LMBR1: variants seen among roughly 807,000 people sequenced by gnomAD.
The protein encoded by LMBR1 is limb region 1 protein homolog.
LMBR1 carries 52 observed loss-of-function variants against 73.9 expected under a neutral mutation model. The observed-to-expected ratio is 0.70, with a 90% CI of 0.56 to 0.89. The LOEUF (loss-of-function observed/expected upper bound fraction) is 0.89, where lower values mean the gene tolerates loss of function less well. LMBR1 is among the 40% of genes least tolerant of loss of function. LMBR1 has a pLI of 0.00. For missense variants in LMBR1, 539 were observed against 579.8 expected (o/e 0.93, Z 0.72); for synonymous variants, 215 against 209.4 (o/e 1.03, Z -0.23).
intron 3 of LMBR1, 76 bp downstream of exon 3, chr7:156,833,677 C>A: frequency 9.0e-7 from 1 of 1,115,484 alleles, no homozygotes; most frequent in South Asian, 1.3e-5. Flanking sequence ...TACTTCTATC[C>A]AAAAATTAGA....
At chr7:156,858,684 C>A (rs1043192128) in intron 1 of LMBR1, among the ~76,000 whole-genome samples, 1 of 151,974 alleles carries the variant, frequency 6.6e-6, no homozygotes, top group South Asian at 2.1e-4. Context: ...CAAACTGAAT[C>A]CAACAGTATA....
At chr7:156,827,234 T>G (rs748491409) in intron 3 of LMBR1, among the ~76,000 whole-genome samples, 3 of 152,094 alleles carry the variant, frequency 2.0e-5, no homozygotes, top group Non-Finnish European at 4.4e-5. Context: ...TGACATCTTT[T>G]TAATGGGTAA....
At chr7:156,855,797 A>G (rs796625235) in intron 1 of LMBR1, among the ~76,000 whole-genome samples, 3 of 152,232 alleles carry the variant, frequency 2.0e-5, no homozygotes, top group African/African-American at 7.2e-5. Context: ...AGGATCAAAG[A>G]TTAGAATTGC....
chr7:156,733,124 G>A (rs535750919), intron 10 of LMBR1, among the ~76,000 whole-genome samples: 2 of 152,112 alleles, frequency 1.3e-5, no homozygotes, highest in South Asian at 2.1e-4. Flanking sequence ...TAGCCTGGGC[G>A]ACAGAGTGAG....
At chr7:156,821,374 GC>G (rs999662668) in intron 4 of LMBR1, among the ~76,000 whole-genome samples, 1 of 152,192 alleles carries the variant, frequency 6.6e-6, no homozygotes, top group Non-Finnish European at 1.5e-5. Context: ...TGATATGCAG[GC>G]CCCCACGTTA....
intron 15 of LMBR1, among the ~76,000 whole-genome samples, chr7:156,718,710 T>G (rs961646678): frequency 1.3e-5 from 2 of 152,142 alleles, no homozygotes; most frequent in African/African-American, 2.4e-5. Context: ...GCACTCCAGC[T>G]TGGGTAACAG....
At chr7:156,754,948 C>T (rs1428750175) in intron 9 of LMBR1, among the ~76,000 whole-genome samples, 1 of 152,184 alleles carries the variant, frequency 6.6e-6, no homozygotes, top group Non-Finnish European at 1.5e-5. Flanking sequence ...CAGCAGCAAA[C>T]AGCAAAATCA....
At chr7:156,676,553 G>A (rs1471867336), downstream of LMBR1, 24 of 1,614,048 alleles carry the variant, frequency 1.5e-5, no homozygotes, top group Non-Finnish European at 1.4e-5. Context: ...TCCACCATGC[G>A]TGTCTGCTGG....
chr7:156,729,609 G>A (rs369717692), intron 10 of LMBR1, among the ~76,000 whole-genome samples: 5 of 151,964 alleles, frequency 3.3e-5, no homozygotes, highest in African/African-American at 9.7e-5. Flanking sequence ...AAGTAGCTGG[G>A]ACTACAGGCA....
intron 1 of LMBR1, chr7:156,892,489 C>CG (rs1441536489): frequency 2.6e-5 from 4 of 153,744 alleles, no homozygotes; most frequent in Non-Finnish European, 4.3e-5. Context: ...CGGCGGAGCG[C>CG]GGGGGCGCGC....
At chr7:156,886,270 G>C (rs1801888608) in intron 1 of LMBR1, among the ~76,000 whole-genome samples, 1 of 152,200 alleles carries the variant, frequency 6.6e-6, no homozygotes, top group African/African-American at 2.4e-5. Context: ...TTCAAGGGAG[G>C]ATAGAACAGG....
chr7:156,807,470 A>C (rs1266330207), intron 4 of LMBR1, among the ~76,000 whole-genome samples: 1 of 152,220 alleles, frequency 6.6e-6, no homozygotes, highest in African/African-American at 2.4e-5. Context: ...TTGTTGGATA[A>C]AGGTGTTCAT....
At chr7:156,730,914 C>A (rs1441786250) in intron 10 of LMBR1, among the ~76,000 whole-genome samples, 2 of 150,370 alleles carry the variant, frequency 1.3e-5, no homozygotes, top group Admixed American at 1.3e-4. Flanking sequence ...CCAGCCTGGG[C>A]AACAAGAGCG....
intron 4 of LMBR1, among the ~76,000 whole-genome samples, chr7:156,818,235 T>A (rs896537511): frequency 6.6e-6 from 1 of 152,230 alleles, no homozygotes; most frequent in African/African-American, 2.4e-5. Flanking sequence ...TTTAAAAGGA[T>A]GGATTTTGCA....
At chr7:156,783,725 G>A (rs894720759) in intron 5 of LMBR1, among the ~76,000 whole-genome samples, 3 of 151,648 alleles carry the variant, frequency 2.0e-5, no homozygotes, top group African/African-American at 4.8e-5. Flanking sequence ...TTTATTTGCC[G>A]CTATGCAGTT....
chr7:156,713,942 C>A lies in LMBR1; in HGVS notation c.1225+10170G>T, dbSNP rs536258787. Among the ~76,000 whole-genome samples, 31 of 152,090 alleles carry A rather than the reference C, an allele frequency of 2.0e-4. No homozygotes were observed. In the South Asian group the frequency reaches 6.2e-3, roughly 31 times the overall value. On this transcript the variant is annotated intron_variant, in intron 15 of 16. Coordinates refer to ENST00000353442, the MANE Select transcript of LMBR1 (RefSeq NM_022458.4). ...TAAATTTTTAAAGAATTTTTGAGTC[C>A]CTACCATATTCCTACATTGTACTGT...
chr7:156,676,029 G>A (rs558149898), downstream of LMBR1, among the ~76,000 whole-genome samples: 14 of 151,824 alleles, frequency 9.2e-5, no homozygotes, highest in African/African-American at 3.1e-4. Flanking sequence ...GGGGGAGGTC[G>A]AGGACTCACT....
At chr7:156,813,547 T>G (rs553650359) in intron 4 of LMBR1, among the ~76,000 whole-genome samples, 3 of 152,176 alleles carry the variant, frequency 2.0e-5, no homozygotes, top group Non-Finnish European at 4.4e-5. Context: ...TGCTCCCTAT[T>G]GTGAAATATA....
At chr7:156,711,549 A>G (rs1812083435) in intron 15 of LMBR1, among the ~76,000 whole-genome samples, 1 of 152,206 alleles carries the variant, frequency 6.6e-6, no homozygotes, top group South Asian at 2.1e-4. Context: ...AGCCAAAGCA[A>G]TCCTAAGGAA....
Sources: gnomAD v4.1 joint callset for allele counts (sites outside exome capture counted in the v4.1 genomes callset) on GRCh38, gnomAD v4.1.1 for gene constraint, MANE v1.5 for transcripts, NCBI Gene and HGNC (gene_info 2026-07-23, HGNC 2026-07-21) for gene names.